EYS: variants seen among roughly 807,000 people sequenced by gnomAD.
EYS encodes the protein EGF-like photoreceptor maintenance factor.
In EYS, 250 loss-of-function variants were observed where a neutral mutation model predicts 282.1. The ratio of observed to expected loss-of-function variants is 0.89; its 90% CI spans 0.80 to 0.98. EYS has a LOEUF of 0.98. Ranked by LOEUF, EYS falls within the 50% of genes least tolerant of loss-of-function variation. The probability of loss-of-function intolerance (pLI) is 0.00; values close to 1 mark genes in which losing one functional copy is unlikely to be tolerated. For missense variants in EYS, 4,016 were observed against 3,709.0 expected, an observed-to-expected ratio of 1.08 and a Z score of -2.15; for synonymous variants, 1,355 against 1,282.9, an observed-to-expected ratio of 1.06 and a Z score of -1.20.
In EYS at chr6:64,821,563, T is replaced by C; in HGVS notation, c.3243+82A>G. On this transcript the variant is annotated intron_variant, in intron 21 of 42. Coordinates refer to ENST00000503581, the MANE Select transcript of EYS (RefSeq NM_001142800.2). Reference sequence around the variant, plus strand: ...CATCAACAACTGTGGAAGAAATGACTCTGAAACCTACAGCAAGCAATTTGA... The same window carrying C: ...CATCAACAACTGTGGAAGAAATGACCCTGAAACCTACAGCAAGCAATTTGA... 7.1e-6 allele frequency: 5 copies of C among 702,488 alleles called. No homozygotes were observed. In the South Asian group the frequency reaches 7.6e-5, roughly 11 times the overall value. The allele number at this position is 702,488 out of a possible 1,614,324, so 43.5% of individuals were successfully genotyped here.
In EYS at chr6:64,439,285, T is replaced by G; in HGVS notation, c.5712A>C (p.Gln1904His). ...LEFQNVALNP[Q>H]NNISLEFQTF... ...TCTGAAATTCTAGGGAGATGTTATT[T>G]TGTGGATTTAAAGCCACATTCTGAA... The change falls in exon 27 of 43, where the codon CAA becomes CAC. Residue 1904 changes from glutamine to histidine, a missense_variant. Transcript: ENST00000503581. 6.5e-7 allele frequency: 1 copy of G among 1,527,138 alleles called. No homozygotes were observed. Among genetic ancestry groups the G allele is most frequent in the East Asian group, 2.5e-5 (1 of 39,230 alleles). The allele number at this position is 1,527,138 out of a possible 1,614,324, so 94.6% of individuals were successfully genotyped here.
chr6:65,113,340 G>A (rs946179325), intron 12 of EYS, among the ~76,000 whole-genome samples: 2 of 151,980 alleles, frequency 1.3e-5, no homozygotes, highest in Admixed American at 1.3e-4. Context: ...CAATCTATAT[G>A]ATGAGTAGGT....
intron 28 of EYS, among the ~76,000 whole-genome samples, chr6:64,398,098 T>C (rs1418993803): frequency 6.6e-6 from 1 of 151,910 alleles, no homozygotes; most frequent in African/African-American, 2.4e-5. Context: ...TTAATAATTT[T>C]ATAGGTATTT....
chr6:64,275,456 T>TC (rs1236754852), intron 30 of EYS, among the ~76,000 whole-genome samples: 3 of 150,182 alleles, frequency 2.0e-5, no homozygotes, highest in Admixed American at 6.6e-5. Context: ...TATTTCTTTT[T>TC]TTTTTTTTCT....
chr6:64,510,771 G>A (rs781171333), intron 26 of EYS, among the ~76,000 whole-genome samples: 33 of 152,150 alleles, frequency 2.2e-4, no homozygotes, highest in Non-Finnish European at 3.4e-4. Context: ...TGTAGTTAGA[G>A]AATCTGTGCA....
rs183100409 is a variant in EYS, at chr6:65,408,154, T to C, written c.863-2787A>G. On this transcript the variant is annotated intron_variant, in intron 5 of 42. Transcript: ENST00000503581. The stretch of plus-strand genomic sequence containing the variant: ...GGGAAAAAATCGTACTTTATCAGGA[T>C]AGAAAAAAATATGTTTATATGTGAT... Among the ~76,000 whole-genome samples the C allele has an allele frequency of 1.0e-3, 153 of 152,104 alleles. 1 individual carries two copies. Among genetic ancestry groups the C allele is most frequent in the African/African-American group, 3.6e-3 (149 of 41,444 alleles).
intron 13 of EYS, among the ~76,000 whole-genome samples, chr6:65,043,727 C>T (rs2150150606): frequency 6.6e-6 from 1 of 151,380 alleles, no homozygotes; most frequent in African/African-American, 2.4e-5. Context: ...AGTTCTTTTT[C>T]AATAATATTT....
chr6:65,414,247 C>G (rs145868757), intron 5 of EYS, among the ~76,000 whole-genome samples: 407 of 152,156 alleles, frequency 2.7e-3, no homozygotes, highest in African/African-American at 8.8e-3. Context: ...TGAGCTCAGA[C>G]GAGGATGTAA....
intron 12 of EYS, among the ~76,000 whole-genome samples, chr6:65,174,347 A>G (rs1269173898): frequency 6.6e-6 from 1 of 151,336 alleles, no homozygotes; most frequent in Non-Finnish European, 1.5e-5. Flanking sequence ...CACAAGATAC[A>G]TCAGTTGATA....
intron 26 of EYS, among the ~76,000 whole-genome samples, chr6:64,449,445 C>T (rs1299119096): frequency 6.6e-6 from 1 of 152,130 alleles, no homozygotes; most frequent in Admixed American, 6.5e-5. Flanking sequence ...GGATATTACC[C>T]AGGAGAACTT....
At chr6:64,772,003 A>G (rs1773538583) in intron 22 of EYS, among the ~76,000 whole-genome samples, 1 of 151,696 alleles carries the variant, frequency 6.6e-6, no homozygotes, top group African/African-American at 2.4e-5. Context: ...TTATTTTTCA[A>G]AATGTTAATA....
chr6:64,373,780 G>A (rs531871105), intron 29 of EYS, among the ~76,000 whole-genome samples: 1 of 152,192 alleles, frequency 6.6e-6, no homozygotes, highest in Non-Finnish European at 1.5e-5. Context: ...CATAGAAGCA[G>A]GACCGTTGGA....
chr6:65,291,609 G>T (rs1290019033), intron 12 of EYS, among the ~76,000 whole-genome samples: 1 of 151,474 alleles, frequency 6.6e-6, no homozygotes, highest in Non-Finnish European at 1.5e-5. Context: ...TTCTTTCCAT[G>T]ACATGAATGG....
intron 39 of EYS, among the ~76,000 whole-genome samples, chr6:63,786,542 G>C (rs1194030855): frequency 1.3e-5 from 2 of 151,880 alleles, no homozygotes; most frequent in African/African-American, 4.8e-5. Flanking sequence ...CAAGGGGTGG[G>C]GGGCAAGGGG....
At chr6:65,089,512 T>C (rs1443447605) in intron 12 of EYS, among the ~76,000 whole-genome samples, 5 of 152,102 alleles carry the variant, frequency 3.3e-5, no homozygotes, top group African/African-American at 9.7e-5. Context: ...TTGGAATGGG[T>C]GTATTTACCC....
intron 26 of EYS, among the ~76,000 whole-genome samples, chr6:64,588,199 T>C (rs1456766367): frequency 6.6e-6 from 1 of 152,046 alleles, no homozygotes; most frequent in East Asian, 1.9e-4. Flanking sequence ...TAACTAGGAT[T>C]GCCTAGAAGA....
intron 29 of EYS, among the ~76,000 whole-genome samples, chr6:64,317,150 T>C (rs6914523): frequency 0.72 from 108,986 of 151,938 alleles, 39,289 homozygotes; most frequent in African/African-American, 0.79. Flanking sequence ...GACATAGGCA[T>C]GGCAAAGACT....
chr6:64,401,053 A>G (rs566840415), intron 28 of EYS, among the ~76,000 whole-genome samples: 1 of 152,222 alleles, frequency 6.6e-6, no homozygotes, highest in East Asian at 1.9e-4. Flanking sequence ...ACCTACTGTG[A>G]TATTATTCAC....
chr6:65,076,077 A>G (rs530201438), intron 12 of EYS, among the ~76,000 whole-genome samples: 2 of 152,156 alleles, frequency 1.3e-5, no homozygotes, highest in East Asian at 3.9e-4. Context: ...GAGGTTTGTA[A>G]AACCACATTT....
Sources: allele counts gnomAD v4.1 joint callset (sites outside exome capture counted in the v4.1 genomes callset), GRCh38; gene constraint gnomAD v4.1.1; transcripts MANE v1.5; gene names NCBI Gene and HGNC (gene_info 2026-07-23, HGNC 2026-07-21).